Variants in RPS6KA5 observed in about 807,000 individuals in gnomAD.
RPS6KA5 encodes ribosomal protein S6 kinase A5.
RPS6KA5 carries 27 observed loss-of-function variants against 85.5 expected under a neutral mutation model. The observed-to-expected ratio is 0.32, with a 90% CI of 0.23 to 0.44. The LOEUF (loss-of-function observed/expected upper bound fraction) is 0.44, where lower values mean the gene tolerates loss of function less well. RPS6KA5 is among the 20% of genes least tolerant of loss of function. The pLI, the probability that RPS6KA5 is intolerant of heterozygous loss-of-function variation, is 1.00. For missense variants in RPS6KA5, 811 were observed against 980.9 expected, an observed-to-expected ratio of 0.83 and a Z score of 2.31; for synonymous variants, 334 against 348.2, an observed-to-expected ratio of 0.96 and a Z score of 0.46.
chr14:90,946,683 A>C (rs2037888651), intron 4 of RPS6KA5, among the ~76,000 whole-genome samples: 1 of 152,224 alleles, frequency 6.6e-6, no homozygotes, highest in South Asian at 2.1e-4. Context: ...GAATTGTCCT[A>C]ATTTAAAAAT....
Position 90,863,767 on chromosome 14 carries a change from G to C in RPS6KA5, c.*8307C>G, listed in dbSNP as rs866608325. 2.6e-5 allele frequency: 4 copies of C among 152,170 alleles called. No homozygotes were observed. The highest frequency in any genetic ancestry group is 2.0e-4 in the Admixed American group (3 of 15,274). 9.4% of individuals were successfully genotyped at this position (152,170 alleles called of 1,614,324 possible). On this transcript the variant is annotated 3_prime_UTR_variant, in exon 17 of 17. Transcript: ENST00000614987. The stretch of plus-strand genomic sequence containing the variant: ...CTAAGTAAATAGAGGGATATACCAT[G>C]TCCATGCATTGGAAAACTCAAAATT...
rs778022585 is a variant in RPS6KA5, at chr14:90,859,453, A to T, written c.*12621T>A. ...AAGAGTTTTAAAATTACTTTGATTA[A>T]TGTGTTCAAGAATATAGAGGAAAAG... On this transcript the variant is annotated 3_prime_UTR_variant, in exon 17 of 17. Transcript: ENST00000614987. 3 of 152,194 alleles carry T rather than the reference A, an allele frequency of 2.0e-5. No individual in the cohort carries two copies. Among genetic ancestry groups the T allele is most frequent in the Admixed American group, 2.0e-4 (3 of 15,286 alleles). The allele number at this position is 152,194 out of a possible 1,614,324, so 9.4% of individuals were successfully genotyped here.
intron 7 of RPS6KA5, among the ~76,000 whole-genome samples, chr14:90,909,129 C>T (rs1251545213): frequency 6.6e-6 from 1 of 152,224 alleles, no homozygotes; most frequent in Non-Finnish European, 1.5e-5. Flanking sequence ...TAGACCACTG[C>T]TGCCTATGCA....
At chr14:90,880,995 T>C (rs1009461804) in intron 14 of RPS6KA5, among the ~76,000 whole-genome samples, 11 of 151,914 alleles carry the variant, frequency 7.2e-5, no homozygotes, top group African/African-American at 2.7e-4. Flanking sequence ...CTACTACATC[T>C]GGTTAATTTT....
chr14:91,001,257 TTGAG>T (rs1419527889), intron 1 of RPS6KA5, 98 bp from the exon 2 acceptor site: 1 of 701,466 alleles, frequency 1.4e-6, no homozygotes, highest in Non-Finnish European at 2.5e-6. Flanking sequence ...ATTTCTTGAC[TTGAG>T]TGATTAACCA....
At chr14:90,971,764 C>G (rs1852661925) in intron 3 of RPS6KA5, among the ~76,000 whole-genome samples, 1 of 152,208 alleles carries the variant, frequency 6.6e-6, no homozygotes, top group South Asian at 2.1e-4. Flanking sequence ...ATCTCCACAT[C>G]TGCTCCTAAA....
chr14:90,921,167 A>G (rs943574392), intron 6 of RPS6KA5, among the ~76,000 whole-genome samples: 3 of 152,194 alleles, frequency 2.0e-5, no homozygotes, highest in African/African-American at 7.2e-5. Context: ...TTTGCTTCCA[A>G]TTTCCAGGGC....
chr14:90,934,850 ATGTGTTGGCATCTGAAT>A (rs1167359426), intron 5 of RPS6KA5, among the ~76,000 whole-genome samples: 3 of 152,186 alleles, frequency 2.0e-5, no homozygotes, highest in Non-Finnish European at 4.4e-5. Context: ...GCTCAAGCTA[ATGTGTTGGCATCTGAAT>A]ATTGTGTAAT....
chr14:91,015,192 T>G (rs2041434912), intron 1 of RPS6KA5, among the ~76,000 whole-genome samples: 1 of 152,198 alleles, frequency 6.6e-6, no homozygotes, highest in African/African-American at 2.4e-5. Context: ...TATAAACCAT[T>G]AACTATTTGA....
rs1340360598 is a variant in RPS6KA5, at chr14:90,849,031, T to G, written c.*23043A>C. ...CTGGGCAACAGAGCAAGGCCGCATC[T>G]CTAAAAAGTAATAATAAATAAAAGG... is the stretch of plus-strand genomic sequence containing the variant. On this transcript the variant is annotated 3_prime_UTR_variant, in exon 17 of 17. Transcript: ENST00000614987. The G allele has an allele frequency of 6.6e-6, 1 of 152,070 alleles. No individual in the cohort carries two copies. Among genetic ancestry groups the G allele is most frequent in the Non-Finnish European group, 1.5e-5 (1 of 68,044 alleles). 9.4% of individuals were successfully genotyped at this position (152,070 alleles called of 1,614,324 possible).
At chr14:91,037,827 C>T (rs373339883) in intron 1 of RPS6KA5, among the ~76,000 whole-genome samples, 15 of 152,100 alleles carry the variant, frequency 9.9e-5, no homozygotes, top group Admixed American at 9.8e-4. Flanking sequence ...CTTATTATTC[C>T]GCCAGCCCAC....
At chr14:90,918,691 T>C (rs2036246809) in intron 7 of RPS6KA5, among the ~76,000 whole-genome samples, 1 of 152,238 alleles carries the variant, frequency 6.6e-6, no homozygotes, top group Non-Finnish European at 1.5e-5. Context: ...TTAATTTTTC[T>C]ATATGGTATG....
intron 6 of RPS6KA5, among the ~76,000 whole-genome samples, chr14:90,922,379 G>A (rs190259878): frequency 1.8e-4 from 28 of 152,322 alleles, no homozygotes; most frequent in African/African-American, 6.0e-4. Flanking sequence ...AGTTTTACAT[G>A]CCGTGACCCT....
intron 1 of RPS6KA5, among the ~76,000 whole-genome samples, chr14:91,031,667 G>T (rs1436181704): frequency 1.3e-5 from 2 of 151,982 alleles, no homozygotes; most frequent in African/African-American, 4.8e-5. Flanking sequence ...CTAAGTGAAT[G>T]AAAAGACTGG....
chr14:91,044,745 C>G (rs942637939), intron 1 of RPS6KA5, among the ~76,000 whole-genome samples: 9 of 151,920 alleles, frequency 5.9e-5, no homozygotes, highest in African/African-American at 2.2e-4. Flanking sequence ...GTGGCAGGCA[C>G]CTGTAATCCC....
At chr14:91,055,937 C>T (rs1013066889) in intron 1 of RPS6KA5, among the ~76,000 whole-genome samples, 55 of 152,300 alleles carry the variant, frequency 3.6e-4, no homozygotes, top group African/African-American at 1.3e-3. Flanking sequence ...TAAGCCATCT[C>T]GGAAGGGGAA....
intron 1 of RPS6KA5, among the ~76,000 whole-genome samples, chr14:91,029,473 A>G (rs1034282219): frequency 6.6e-6 from 1 of 152,242 alleles, no homozygotes; most frequent in South Asian, 2.1e-4. Context: ...TTCTACAAAT[A>G]TTTAACAAGT....
intron 5 of RPS6KA5, among the ~76,000 whole-genome samples, chr14:90,936,756 A>G (rs1247152812): frequency 6.6e-6 from 1 of 152,188 alleles, no homozygotes; most frequent in Non-Finnish European, 1.5e-5. Flanking sequence ...TAAGTATAAT[A>G]TCATGAGCAG....
chr14:90,888,841 C>G (rs2034387131), intron 14 of RPS6KA5, among the ~76,000 whole-genome samples: 1 of 152,122 alleles, frequency 6.6e-6, no homozygotes, highest in Non-Finnish European at 1.5e-5. Context: ...AAAACAAAAT[C>G]AAAATACCGT....
Sources: gnomAD v4.1 joint callset for allele counts (sites outside exome capture counted in the v4.1 genomes callset) on GRCh38, gnomAD v4.1.1 for gene constraint, MANE v1.5 for transcripts, NCBI Gene and HGNC (gene_info 2026-07-23, HGNC 2026-07-21) for gene names.